Variants in ABCA13 observed in about 807,000 individuals in gnomAD.
ABCA13 encodes the protein ATP binding cassette subfamily A member 13, also known as ATP-binding cassette sub-family A member 13.
Under a neutral mutation model 478.7 loss-of-function variants are expected in ABCA13, and 476 were observed. That is an observed-to-expected ratio of 0.99 (90% CI 0.92 to 1.07). The LOEUF (loss-of-function observed/expected upper bound fraction) is 1.07. ABCA13 is among the 50% of genes least tolerant of loss of function. The pLI is 0.00. For missense variants in ABCA13, 6,060 were observed against 5,910.6 expected (o/e 1.03, Z -0.83); for synonymous variants, 2,252 against 2,158.9 (o/e 1.04, Z -1.20).
intron 43 of ABCA13, among the ~76,000 whole-genome samples, chr7:48,458,665 A>G (rs1192533234): frequency 6.6e-6 from 1 of 152,196 alleles, no homozygotes; most frequent in Admixed American, 6.5e-5. Context: ...ATCTTCATAA[A>G]AGCACAAACC....
chr7:48,547,215 A>C (rs1784900515), intron 55 of ABCA13, among the ~76,000 whole-genome samples: 1 of 151,880 alleles, frequency 6.6e-6, no homozygotes, highest in Admixed American at 6.6e-5. Flanking sequence ...TCATCATATC[A>C]AAATGTTTTC....
At chr7:48,554,101 T>G (rs1282024057) in intron 55 of ABCA13, among the ~76,000 whole-genome samples, 1 of 152,082 alleles carries the variant, frequency 6.6e-6, no homozygotes, top group African/African-American at 2.4e-5. Context: ...TGAATGTATG[T>G]TCTTGACACC....
chr7:48,430,159 G>A (rs1050014573), intron 42 of ABCA13, among the ~76,000 whole-genome samples: 1 of 151,910 alleles, frequency 6.6e-6, no homozygotes, highest in Non-Finnish European at 1.5e-5. Context: ...AAGGCTTCTG[G>A]GTCTGGGCTT....
intron 60 of ABCA13, among the ~76,000 whole-genome samples, 183 bp from the exon 61 acceptor site, chr7:48,644,434 G>A (rs555072425): frequency 1.3e-5 from 2 of 152,248 alleles, no homozygotes; most frequent in East Asian, 3.9e-4. Context: ...TCAGTTGAAC[G>A]TTGTTTGTCA....
chr7:48,567,342 G>A (rs1412445724), intron 55 of ABCA13, among the ~76,000 whole-genome samples: 1 of 152,108 alleles, frequency 6.6e-6, no homozygotes, highest in Admixed American at 6.6e-5. Flanking sequence ...GAGGCTGCAA[G>A]GGTGCTGGGG....
At position 48,314,310 on chromosome 7, in the gene ABCA13, G is replaced by A. The variant is rs539799588; in HGVS notation, c.9760G>A (p.Ala3254Thr). The A allele has an allele frequency of 1.0e-4, 162 of 1,613,808 alleles. 2 individuals are homozygous for A. In the South Asian group the frequency reaches 1.6e-3, roughly 16 times the overall value. ...GATGAAGATGGTTTGCAAGGACCAA[G>A]CATCATTCCTTAGCGATTCTAATAT... ...FVMKMVCKDQ[A>T]SFLSDSNMFI... Residue 3254 changes from alanine (A) to threonine (T), a missense_variant, in exon 26 of 62, where the codon GCA becomes ACA. This residue lies in a region of ABCA13 where 4,423 missense variants were observed against 4,309.1 expected (regional missense o/e 1.03). Coordinates refer to ENST00000435803, the MANE Select transcript of ABCA13 (RefSeq NM_152701.5).
chr7:48,390,361 G>T (rs554274134), intron 37 of ABCA13, among the ~76,000 whole-genome samples: 1 of 152,288 alleles, frequency 6.6e-6, no homozygotes, highest in East Asian at 1.9e-4. Flanking sequence ...AGACGGGGGG[G>T]TCTTCACTAT....
intron 58 of ABCA13, among the ~76,000 whole-genome samples, chr7:48,597,906 C>A (rs1284581527): frequency 6.6e-6 from 1 of 152,108 alleles, no homozygotes; most frequent in Non-Finnish European, 1.5e-5. Context: ...CATACATTAC[C>A]AGAGTGATAC....
intron 42 of ABCA13, among the ~76,000 whole-genome samples, chr7:48,438,943 C>T (rs1037614910): frequency 2.0e-5 from 3 of 148,284 alleles, no homozygotes; most frequent in Admixed American, 6.8e-5. Context: ...TTTCCTCTAG[C>T]GTGATTCCAA....
intron 22 of ABCA13, among the ~76,000 whole-genome samples, chr7:48,297,713 G>A (rs1310321984): frequency 6.6e-6 from 1 of 152,036 alleles, no homozygotes; most frequent in Non-Finnish European, 1.5e-5. Context: ...ATGAGTAGAT[G>A]CATGTATACA....
chr7:48,544,650 C>G (rs1784655914), intron 55 of ABCA13, among the ~76,000 whole-genome samples: 1 of 151,864 alleles, frequency 6.6e-6, no homozygotes, highest in South Asian at 2.1e-4. Context: ...CCTTATACAT[C>G]TTTTCATTTC....
intron 15 of ABCA13, among the ~76,000 whole-genome samples, chr7:48,257,036 C>T (rs1793500478): frequency 6.6e-6 from 1 of 152,058 alleles, no homozygotes; most frequent in African/African-American, 2.4e-5. Context: ...TCCTGGTTAG[C>T]TGTATTCCTA....
chr7:48,314,907 C>CGATAGGTACAAATGAATATGTCAT (rs1802343330), intron 26 of ABCA13, among the ~76,000 whole-genome samples: 1 of 152,054 alleles, frequency 6.6e-6, no homozygotes, highest in Admixed American at 6.5e-5. Flanking sequence ...GAATATGTCA[C>CGATAGGTACAAATGAATATGTCAT]GATAGGTACA....
chr7:48,414,310 T>C (rs1819665414), intron 41 of ABCA13, among the ~76,000 whole-genome samples: 1 of 152,072 alleles, frequency 6.6e-6, no homozygotes, highest in South Asian at 2.1e-4. Flanking sequence ...TTCGTGACAC[T>C]TCTCCCAACT....
chr7:48,230,669 A>G (rs983398757), intron 7 of ABCA13, among the ~76,000 whole-genome samples: 7 of 151,602 alleles, frequency 4.6e-5, no homozygotes, highest in South Asian at 2.1e-4. Flanking sequence ...CAACTCATCA[A>G]CCTCTTTATA....
At chr7:48,474,655 G>T (rs1028638675) in intron 45 of ABCA13, among the ~76,000 whole-genome samples, 2 of 152,144 alleles carry the variant, frequency 1.3e-5, no homozygotes, top group African/African-American at 4.8e-5. Context: ...TGATTCTGAG[G>T]CTTATTTCTG....
intron 41 of ABCA13, among the ~76,000 whole-genome samples, chr7:48,424,224 CT>C (rs1821124629): frequency 6.6e-6 from 1 of 152,128 alleles, no homozygotes; most frequent in African/African-American, 2.4e-5. Flanking sequence ...TTGATCAGGA[CT>C]TTTATACTCT....
intron 29 of ABCA13, among the ~76,000 whole-genome samples, chr7:48,340,488 A>G (rs1445981640): frequency 6.6e-6 from 1 of 152,242 alleles, no homozygotes; most frequent in East Asian, 1.9e-4. Context: ...GAAAATACAA[A>G]TAAGCCAGAA....
rs571901781 is a variant in ABCA13 at position 48,644,256 on chromosome 7, T to A, written c.14944-361T>A. ...AGCTAATGATGAGAATAGTGAGAGATAAGCCCAAGTCCCAGTGTAAAACTC... is the reference window on the plus strand; with the variant it reads ...AGCTAATGATGAGAATAGTGAGAGAAAAGCCCAAGTCCCAGTGTAAAACTC... On this transcript the variant is annotated intron_variant, in intron 60 of 61. Transcript: ENST00000435803. Among the ~76,000 whole-genome samples, 35 of 152,310 alleles carry A rather than the reference T, an allele frequency of 2.3e-4. No individual in the cohort carries two copies. In the East Asian group the frequency reaches 3.9e-3, roughly 17 times the overall value.
Sources: gnomAD v4.1 joint callset for allele counts (sites outside exome capture counted in the v4.1 genomes callset) on GRCh38, gnomAD v4.1.1 for gene constraint, gnomAD v4.1.1 regional missense constraint, MANE v1.5 for transcripts, NCBI Gene and HGNC (gene_info 2026-07-23, HGNC 2026-07-21) for gene names.